Variants in BTBD1 observed in about 807,000 individuals in gnomAD.
BTBD1 encodes BTB domain containing 1.
A neutral mutation model predicts 48.0 loss-of-function variants in BTBD1; 34 were observed. The observed-to-expected ratio is 0.71, with a 90% CI of 0.54 to 0.94. The LOEUF (loss-of-function observed/expected upper bound fraction) is 0.94, where lower values mean the gene tolerates loss of function less well. Ranked by LOEUF, BTBD1 falls within the 40% of genes least tolerant of loss-of-function variation. The pLI, the probability that BTBD1 is intolerant of heterozygous loss-of-function variation, is 0.00. For missense variants in BTBD1, 543 were observed against 625.6 expected, an observed-to-expected ratio of 0.87 and a Z score of 1.41; for synonymous variants, 261 against 242.1, an observed-to-expected ratio of 1.08 and a Z score of -0.72.
At chr15:83,040,016 C>T (rs2032718299) in intron 4 of BTBD1, among the ~76,000 whole-genome samples, 1 of 143,158 alleles carries the variant, frequency 7.0e-6, no homozygotes. Context: ...CACACACACA[C>T]GGACACACAC....
intron 4 of BTBD1, among the ~76,000 whole-genome samples, chr15:83,035,827 T>C (rs186929556): frequency 2.6e-5 from 4 of 151,554 alleles, no homozygotes; most frequent in African/African-American, 7.2e-5. Flanking sequence ...TCTTGAACAC[T>C]GGGGGAAAAA....
Position 83,020,774 on chromosome 15 carries a change from A to C in BTBD1, c.1056-12T>G, listed in dbSNP as rs1430931524. 9.2e-6 allele frequency: 14 copies of C among 1,516,638 alleles called. No individual in the cohort carries two copies. Among genetic ancestry groups the C allele is most frequent in the Non-Finnish European group, 1.3e-5 (14 of 1,096,028 alleles). The allele number at this position is 1,516,638 out of a possible 1,614,324, so 93.9% of individuals were successfully genotyped here. A position where few individuals can be genotyped will look rare whatever the true frequency, so the allele number is the denominator to read the frequency against. On this transcript the variant is annotated splice_polypyrimidine_tract_variant and intron_variant, in intron 5 of 7. Transcript: ENST00000261721. The stretch of plus-strand genomic sequence containing the variant: ...TATTAACTGTGAATCTGAGAGAAAG[A>C]AGCCAAAAATAAAATATAATTAATC...
At chr15:83,020,846 C>A in intron 5 of BTBD1, 84 bp from the exon 6 acceptor site, 1 of 753,186 alleles carries the variant, frequency 1.3e-6, no homozygotes, top group Non-Finnish European at 2.2e-6. Flanking sequence ...TAAGTGTAAC[C>A]TGGAACATCC....
intron 4 of BTBD1, among the ~76,000 whole-genome samples, chr15:83,031,770 A>G (rs2032521593): frequency 6.6e-6 from 1 of 152,176 alleles, no homozygotes; most frequent in Non-Finnish European, 1.5e-5. Flanking sequence ...TAGAACTTAA[A>G]GTATAATTAA....
intron 1 of BTBD1, among the ~76,000 whole-genome samples, chr15:83,057,136 CCT>C (rs1259088849): frequency 2.0e-5 from 3 of 152,130 alleles, no homozygotes; most frequent in African/African-American, 4.8e-5. Flanking sequence ...TTCATTTAAT[CCT>C]CTCACATAGA....
intron 5 of BTBD1, chr15:83,022,324 T>C (rs375769753): frequency 3.3e-5 from 5 of 151,998 alleles, no homozygotes; most frequent in African/African-American, 9.7e-5. Context: ...TTGCTGGGAT[T>C]ATACCCATGA....
At chr15:83,065,150 TATAA>T (rs957963558) in intron 1 of BTBD1, among the ~76,000 whole-genome samples, 11 of 152,222 alleles carry the variant, frequency 7.2e-5, no homozygotes, top group Non-Finnish European at 1.5e-4. Context: ...TCCTCACTAC[TATAA>T]ATAAAGCTGT....
At chr15:83,028,509 G>C (rs898581442) in intron 5 of BTBD1, 9 of 152,002 alleles carry the variant, frequency 5.9e-5, no homozygotes, top group Non-Finnish European at 1.3e-4. Context: ...TGTCTAGTCT[G>C]ATGCCTATAT....
At chr15:83,034,882 T>C (rs1165323645) in intron 4 of BTBD1, among the ~76,000 whole-genome samples, 2 of 152,246 alleles carry the variant, frequency 1.3e-5, no homozygotes, top group East Asian at 3.8e-4. Flanking sequence ...ATCATTAGTA[T>C]ATATTCCTTT....
intron 1 of BTBD1, among the ~76,000 whole-genome samples, chr15:83,065,508 T>C (rs944659676): frequency 6.6e-6 from 1 of 152,274 alleles, no homozygotes; most frequent in Non-Finnish European, 1.5e-5. Context: ...TTCATCTTTC[T>C]GATTCAACTG....
intron 3 of BTBD1, among the ~76,000 whole-genome samples, chr15:83,042,364 A>ATATATATATATATATATATATATG (rs2151307193): frequency 8.1e-6 from 1 of 123,088 alleles, no homozygotes; most frequent in African/African-American, 3.2e-5. Context: ...ATATATATAT[A>ATATATATATATATATATATATATG]TATATATATA....
In BTBD1 at chr15:83,051,877, T is replaced by TACACACACACACACACACACACACAC. The variant is rs113253261; in HGVS notation, c.559-1725_559-1700dup. Among the ~76,000 whole-genome samples the TACACACACACACACACACACACACAC allele has an allele frequency of 4.0e-3, 557 of 138,880 alleles. 7 individuals are homozygous for TACACACACACACACACACACACACAC. The highest frequency in any genetic ancestry group is 0.012 in the African/African-American group (423 of 36,114). 91.1% of individuals were successfully genotyped at this position (138,880 alleles called of 152,430 possible). A position where few individuals can be genotyped will look rare whatever the true frequency, so the allele number is the denominator to read the frequency against. Reference sequence around the variant, plus strand: ...TTTATTAATTTTTTTTCCATATATATACACACACACACACACACACACACA... The same window carrying TACACACACACACACACACACACACAC: ...TTTATTAATTTTTTTTCCATATATATACACACACACACACACACACACACACACACACACACACACACACACACACA... On this transcript the variant is annotated intron_variant, in intron 2 of 7. Transcript: ENST00000261721.
At position 83,020,751 on chromosome 15, in the gene BTBD1, T is replaced by C. The variant is rs1279285493; in HGVS notation, c.1067A>G (p.Asn356Ser). Reference sequence around the variant, plus strand: ...AAATCCAACTATAGAGATCCTTCTATTAACTGTGAATCTGAGAGAAAGAAG... The same window carrying C: ...AAATCCAACTATAGAGATCCTTCTACTAACTGTGAATCTGAGAGAAAGAAG... The part of the protein sequence containing the change: ...GTSDRIRFTV[N>S]RRISIVGFGL... The change falls in exon 6 of 8, where the codon AAT becomes AGT. Residue 356 changes from asparagine to serine, a missense_variant. Physicochemically the swap from Asn to Ser is conservative, Grantham distance 46 (BLOSUM62 1). Coordinates refer to ENST00000261721, the MANE Select transcript of BTBD1 (RefSeq NM_025238.4). 1 of 1,598,760 alleles carries C rather than the reference T, an allele frequency of 6.3e-7. No homozygotes were observed.
chr15:83,060,460 CAA>C (rs10706509), intron 1 of BTBD1, among the ~76,000 whole-genome samples: 303 of 111,210 alleles, frequency 2.7e-3, no homozygotes, highest in African/African-American at 3.5e-3. Flanking sequence ...TAATAATTTT[CAA>C]AAAAAAAAAA....
intron 3 of BTBD1, among the ~76,000 whole-genome samples, chr15:83,042,355 T>TATATATATATATATAC (rs914453269): frequency 8.2e-6 from 1 of 121,260 alleles, no homozygotes; most frequent in African/African-American, 3.3e-5. Context: ...ATTTTATATA[T>TATATATATATATATAC]ATATATATAT....
intron 4 of BTBD1, among the ~76,000 whole-genome samples, chr15:83,036,103 CAAAAAAAAAA>C (rs563839312): frequency 1.3e-5 from 1 of 75,122 alleles, no homozygotes; most frequent in African/African-American, 5.1e-5. Flanking sequence ...GTATCATTAC[CAAAAAAAAAA>C]AAAAAAAAGA....
intron 4 of BTBD1, among the ~76,000 whole-genome samples, chr15:83,030,922 A>C (rs1239984851): frequency 2.0e-5 from 3 of 152,182 alleles, no homozygotes; most frequent in Admixed American, 1.3e-4. Context: ...GAAAAAAAAA[A>C]CAAATAATCC....
chr15:83,052,797 A>AT lies in BTBD1; in HGVS notation c.559-2620dup, dbSNP rs398028150. 7.1e-3 allele frequency among the ~76,000 whole-genome samples: 675 copies of AT among 94,526 alleles called. 16 individuals are homozygous for AT. Among genetic ancestry groups the AT allele is most frequent in the East Asian group, 0.014 (56 of 4,038 alleles). 62.0% of individuals were successfully genotyped at this position (94,526 alleles called of 152,430 possible). Reference sequence around the variant, plus strand: ...AGGCGCCCACCACCTCGCCCGGCTAATTTTTTTTTTTTTTTTTTTTTTTTA... The same window carrying AT: ...AGGCGCCCACCACCTCGCCCGGCTAATTTTTTTTTTTTTTTTTTTTTTTTTA... On this transcript the variant is annotated intron_variant, in intron 2 of 7. Coordinates refer to ENST00000261721, the MANE Select transcript of BTBD1 (RefSeq NM_025238.4).
intron 2 of BTBD1, among the ~76,000 whole-genome samples, chr15:83,055,042 T>C (rs2033059450): frequency 6.6e-6 from 1 of 152,188 alleles, no homozygotes; most frequent in Non-Finnish European, 1.5e-5. Flanking sequence ...CCAGTACTAA[T>C]GTCAAATGGG....
Sources: gnomAD v4.1 joint callset for allele counts (sites outside exome capture counted in the v4.1 genomes callset) on GRCh38, gnomAD v4.1.1 for gene constraint, MANE v1.5 for transcripts, NCBI Gene and HGNC (gene_info 2026-07-23, HGNC 2026-07-21) for gene names.